Variants in REPS1 observed in about 807,000 individuals in gnomAD.
The protein encoded by REPS1 is ralBP1-associated Eps domain-containing protein 1.
A neutral mutation model predicts 100.9 loss-of-function variants in REPS1; 39 were observed. The ratio of observed to expected loss-of-function variants is 0.39; its 90% CI spans 0.30 to 0.50. The LOEUF is 0.50. Among genes scored for constraint, REPS1 ranks in the 20% least tolerant of loss-of-function variants. REPS1 has a pLI of 0.86. For synonymous variants in REPS1, 324 were observed against 340.3 expected (o/e 0.95, Z 0.53); for missense variants, 821 against 968.5 (o/e 0.85, Z 2.02).
chr6:138,933,422 T>C (rs1298206941), intron 8 of REPS1, among the ~76,000 whole-genome samples: 1 of 152,254 alleles, frequency 6.6e-6, no homozygotes, highest in Non-Finnish European at 1.5e-5. Flanking sequence ...TTGAATTTCA[T>C]ACAATTTTTA....
At chr6:138,910,986 G>A (rs928494369) in intron 17 of REPS1, 37 of 219,452 alleles carry the variant, frequency 1.7e-4, no homozygotes, top group African/African-American at 7.6e-4. Context: ...TTATTATATT[G>A]AAGACTACAA....
chr6:138,940,008 C>T (rs1782121263), intron 8 of REPS1, among the ~76,000 whole-genome samples: 1 of 152,202 alleles, frequency 6.6e-6, no homozygotes, highest in Admixed American at 6.5e-5. Context: ...ATCAAATCCA[C>T]ATTTCAGGTG....
intron 8 of REPS1, among the ~76,000 whole-genome samples, chr6:138,931,845 C>G (rs1354737485): frequency 6.6e-6 from 1 of 152,034 alleles, no homozygotes; most frequent in Non-Finnish European, 1.5e-5. Flanking sequence ...TGACAATATA[C>G]TGAAAGTGAA....
Position 138,931,187 on chromosome 6 carries a change from C to T in REPS1, c.1136-1089G>A, listed in dbSNP as rs1400459318. ...AAAGACAGCTGCCATTAAATGTTAGCACTATACTTCAGATTTCTAAATAGA... is the reference window on the plus strand; with the variant it reads ...AAAGACAGCTGCCATTAAATGTTAGTACTATACTTCAGATTTCTAAATAGA... On this transcript the variant is annotated intron_variant, in intron 8 of 19. Transcript: ENST00000450536. 3.3e-5 allele frequency among the ~76,000 whole-genome samples: 5 copies of T among 152,168 alleles called. No homozygotes were observed. The East Asian group carries it at 9.6e-4, about 29-fold the overall frequency.
At chr6:138,979,857 C>T (rs1784836519) in intron 1 of REPS1, among the ~76,000 whole-genome samples, 1 of 152,144 alleles carries the variant, frequency 6.6e-6, no homozygotes, top group Admixed American at 6.5e-5. Context: ...TATTTCATTA[C>T]CTTAAGTATC....
Position 138,920,331 on chromosome 6 carries a change from A to T in REPS1, c.1427-15T>A. ...ATTTGTATGATCTAATAGAGAATTAATAGGTAAAAATACAAGACATAGGTA... is the reference window on the plus strand; with the variant it reads ...ATTTGTATGATCTAATAGAGAATTATTAGGTAAAAATACAAGACATAGGTA... On this transcript the variant is annotated splice_polypyrimidine_tract_variant and intron_variant, in intron 11 of 19. Coordinates refer to ENST00000450536, the MANE Select transcript of REPS1 (RefSeq NM_001286611.2). 7.5e-7 allele frequency: 1 copy of T among 1,338,542 alleles called. No homozygotes were observed. Among genetic ancestry groups the T allele is most frequent in the South Asian group, 1.2e-5 (1 of 85,184 alleles). The allele number at this position is 1,338,542 out of a possible 1,614,324, so 82.9% of individuals were successfully genotyped here.
In REPS1 at chr6:138,945,635, C is replaced by A. The variant is rs143348359; in HGVS notation, c.340G>T (p.Ala114Ser). Residue 114 changes from alanine to serine, a missense_variant, in exon 3 of 20, where the codon GCC becomes TCC. By Grantham distance (99) the Ala-to-Ser change is moderately conservative. Transcript: ENST00000450536. ...SKNEQESRHA[A>S]SYSSDSENQG... ...TTTTCAGAATCTGAAGAATATGAGG[C>A]TGCATGGCGAGATTCCTGTTCATTC... 80 of 1,613,354 alleles carry A rather than the reference C, an allele frequency of 5.0e-5. No individual in the cohort carries two copies. Among genetic ancestry groups the A allele is most frequent in the Non-Finnish European group, 6.8e-5 (80 of 1,179,754 alleles).
At chr6:138,934,011 T>C (rs1351881110) in intron 8 of REPS1, among the ~76,000 whole-genome samples, 2 of 152,208 alleles carry the variant, frequency 1.3e-5, no homozygotes, top group Admixed American at 6.5e-5. Flanking sequence ...AATCCAAAAA[T>C]TGTTTCTGGG....
chr6:138,983,647 A>G (rs949718202), intron 1 of REPS1, among the ~76,000 whole-genome samples: 2 of 152,170 alleles, frequency 1.3e-5, no homozygotes, highest in African/African-American at 2.4e-5. Context: ...TCATGCCCCC[A>G]GATGACTCAG....
At position 138,943,930 on chromosome 6, in the gene REPS1, T is replaced by C. The variant is rs1782434128; in HGVS notation, c.839A>G (p.Lys280Arg). The change falls in exon 6 of 20, where the codon AAA (lysine) becomes AGA (arginine). Residue 280 changes from lysine to arginine, a missense_variant. By Grantham distance (26) the Lys-to-Arg change is conservative. Transcript: ENST00000450536. ...RQSSSYDDPW[K>R]ITDEQRQYYV... is the part of the protein sequence containing the mutation. ...ATACTGTCTTTGTTCATCTGTTATT[T>C]TCCAGGGATCATCATAACTACTGGA... The C allele has an allele frequency of 6.8e-6, 11 of 1,613,814 alleles. No homozygotes were observed. The highest frequency in any genetic ancestry group is 9.3e-6 in the Non-Finnish European group (11 of 1,179,778).
chr6:138,935,856 C>CGGGGGGGGGG (rs1449985583), intron 8 of REPS1, among the ~76,000 whole-genome samples: 4 of 2,196 alleles, frequency 1.8e-3, no homozygotes, highest in Middle Eastern at 0.5. Context: ...TCCATCTTGG[C>CGGGGGGGGGG]GGGGGGGGGG....
chr6:138,982,852 A>C (rs1047536413), intron 1 of REPS1, among the ~76,000 whole-genome samples: 7 of 152,228 alleles, frequency 4.6e-5, no homozygotes, highest in Non-Finnish European at 8.8e-5. Context: ...AATAAAGAAA[A>C]ATTGTATTTG....
chr6:138,983,286 T>C (rs1785057535), intron 1 of REPS1, among the ~76,000 whole-genome samples: 1 of 152,090 alleles, frequency 6.6e-6, no homozygotes, highest in South Asian at 2.1e-4. Flanking sequence ...ACCCCGACTC[T>C]ACTAAAAATA....
At position 138,920,162 on chromosome 6, in the gene REPS1, C is replaced by T. The variant is rs564380731; in HGVS notation, c.1528+53G>A. 10 of 943,714 alleles carry T rather than the reference C, an allele frequency of 1.1e-5. 1 individual carries two copies. The highest frequency in any genetic ancestry group is 6.9e-5 in the Admixed American group (4 of 57,990). 58.5% of individuals were successfully genotyped at this position (943,714 alleles called of 1,614,324 possible). ...TGCATACACATCTGAAATAGTCAGA[C>T]TCTAAATCCAGACTTAGTAAACTTC... On this transcript the variant is annotated intron_variant, in intron 12 of 19. Coordinates refer to ENST00000450536, the MANE Select transcript of REPS1 (RefSeq NM_001286611.2).
intron 1 of REPS1, among the ~76,000 whole-genome samples, chr6:138,968,072 T>C (rs553332145): frequency 3.3e-5 from 5 of 152,316 alleles, no homozygotes; most frequent in African/African-American, 9.6e-5. Context: ...ATTTTCACCT[T>C]ATGATGGGTT....
chr6:138,932,278 G>A (rs1450082081), intron 8 of REPS1, among the ~76,000 whole-genome samples: 2 of 141,580 alleles, frequency 1.4e-5, no homozygotes, highest in Non-Finnish European at 3.1e-5. Flanking sequence ...TCCTAGAGTT[G>A]TAGACCTCAA....
intron 1 of REPS1, among the ~76,000 whole-genome samples, chr6:138,977,338 G>A (rs1370033819): frequency 6.6e-5 from 10 of 152,118 alleles, no homozygotes; most frequent in Admixed American, 5.9e-4. Flanking sequence ...TTGACAGTTA[G>A]CATGTTGTTA....
intron 10 of REPS1, among the ~76,000 whole-genome samples, chr6:138,924,161 T>C (rs761483039): frequency 1.3e-5 from 2 of 152,154 alleles, no homozygotes; most frequent in African/African-American, 4.8e-5. Context: ...AGAATACTGG[T>C]TGGGAAACAA....
At chr6:138,980,803 T>C (rs990451364) in intron 1 of REPS1, among the ~76,000 whole-genome samples, 13 of 150,344 alleles carry the variant, frequency 8.6e-5, no homozygotes, top group African/African-American at 2.9e-4. Context: ...TCCTCCTGCC[T>C]CTGCCTCTCA....
Sources: gnomAD v4.1 joint callset for allele counts (sites outside exome capture counted in the v4.1 genomes callset) on GRCh38, gnomAD v4.1.1 for gene constraint, MANE v1.5 for transcripts, NCBI Gene and HGNC (gene_info 2026-07-23, HGNC 2026-07-21) for gene names.